PLCB1: variants seen among roughly 807,000 people sequenced by gnomAD.
PLCB1 encodes 1-phosphatidylinositol 4,5-bisphosphate phosphodiesterase beta-1.
PLCB1 carries 46 observed loss-of-function variants against 161.8 expected under a neutral mutation model. The observed-to-expected ratio is 0.28, with a 90% confidence interval of 0.22 to 0.36. PLCB1 has a LOEUF of 0.36. PLCB1 is among the 10% of genes least tolerant of loss of function. The pLI is 1.00. For missense variants in PLCB1, 1,016 were observed against 1,472.5 expected (o/e 0.69, Z 5.07); for synonymous variants, 517 against 503.7 (o/e 1.03, Z -0.35).
intron 31 of PLCB1, among the ~76,000 whole-genome samples, chr20:8,832,703 A>G (rs1986074660): frequency 6.6e-6 from 1 of 152,108 alleles, no homozygotes; most frequent in Non-Finnish European, 1.5e-5. Flanking sequence ...CCCACAGGTG[A>G]CTCCCTTGTC....
chr20:8,309,677 G>A (rs532946237), intron 2 of PLCB1, among the ~76,000 whole-genome samples: 2 of 152,308 alleles, frequency 1.3e-5, no homozygotes, highest in African/African-American at 2.4e-5. Context: ...CCATAATTCC[G>A]TTGACAGCAG....
intron 31 of PLCB1, among the ~76,000 whole-genome samples, chr20:8,847,212 A>ATC (rs11471983): frequency 0.32 from 48,602 of 151,972 alleles, 8,734 homozygotes; most frequent in East Asian, 0.63. Flanking sequence ...GAAGCTCAGG[A>ATC]TCACCACTTC....
At chr20:8,681,100 A>ATATATATATAT (rs1568558184) in intron 9 of PLCB1, among the ~76,000 whole-genome samples, 13 of 129,010 alleles carry the variant, frequency 1.0e-4, no homozygotes, top group African/African-American at 3.6e-4. Flanking sequence ...ATATATATAT[A>ATATATATATAT]TATATATATA....
At chr20:8,442,628 G>A (rs991683372) in intron 3 of PLCB1, among the ~76,000 whole-genome samples, 1 of 152,110 alleles carries the variant, frequency 6.6e-6, no homozygotes, top group African/African-American at 2.4e-5. Flanking sequence ...CTGTAACAAA[G>A]GGTTAGTGAA....
chr20:8,154,941 C>G (rs1224900420), intron 2 of PLCB1, among the ~76,000 whole-genome samples: 1 of 152,142 alleles, frequency 6.6e-6, no homozygotes, highest in Non-Finnish European at 1.5e-5. Flanking sequence ...AACTACCTCC[C>G]CACTTTTTGC....
At chr20:8,584,291 G>A (rs141665793) in intron 3 of PLCB1, among the ~76,000 whole-genome samples, 1 of 152,170 alleles carries the variant, frequency 6.6e-6, no homozygotes, top group East Asian at 1.9e-4. Flanking sequence ...TGTACCTATG[G>A]GGTGAACTCA....
intron 3 of PLCB1, among the ~76,000 whole-genome samples, chr20:8,451,853 C>G (rs1218996796): frequency 6.0e-5 from 9 of 150,892 alleles, no homozygotes; most frequent in East Asian, 5.8e-4. Flanking sequence ...TTCCATCTCC[C>G]TCTTCTTCTT....
intron 31 of PLCB1, among the ~76,000 whole-genome samples, chr20:8,803,660 C>A (rs77844902): frequency 0.044 from 6,629 of 152,194 alleles, 399 homozygotes; most frequent in African/African-American, 0.14. Flanking sequence ...GAGACCTTGA[C>A]AATTTCTTCT....
chr20:8,164,082 G>A (rs1277634728), intron 2 of PLCB1, among the ~76,000 whole-genome samples: 6 of 152,170 alleles, frequency 3.9e-5, no homozygotes, highest in Non-Finnish European at 8.8e-5. Context: ...TGGATCTAAA[G>A]TGTAGGAGCC....
chr20:8,535,133 G>T (rs1185282968), intron 3 of PLCB1, among the ~76,000 whole-genome samples: 1 of 120,816 alleles, frequency 8.3e-6, no homozygotes, highest in African/African-American at 3.1e-5. Context: ...AAAGGATAGA[G>T]TCAATTTGGA....
chr20:8,216,599 C>T (rs775030167), intron 2 of PLCB1, among the ~76,000 whole-genome samples: 1 of 152,010 alleles, frequency 6.6e-6, no homozygotes. Flanking sequence ...GAAACCTGAT[C>T]GTGACTCATG....
intron 3 of PLCB1, among the ~76,000 whole-genome samples, chr20:8,427,702 T>C (rs1979847442): frequency 6.6e-6 from 1 of 152,124 alleles, no homozygotes; most frequent in East Asian, 1.9e-4. Context: ...TTGGGATTCT[T>C]GATTGGTTGG....
At chr20:8,316,707 C>T (rs766603414) in intron 2 of PLCB1, among the ~76,000 whole-genome samples, 8 of 152,036 alleles carry the variant, frequency 5.3e-5, no homozygotes, top group Non-Finnish European at 1.2e-4. Context: ...ACTGCCATGA[C>T]AATGAAAGAG....
intron 3 of PLCB1, among the ~76,000 whole-genome samples, chr20:8,571,257 G>A (rs982893977): frequency 2.0e-5 from 3 of 152,110 alleles, no homozygotes; most frequent in African/African-American, 7.2e-5. Flanking sequence ...TGGGACAGAG[G>A]GATGACTTGA....
At chr20:8,781,849 A>G (rs1374640871) in intron 27 of PLCB1, among the ~76,000 whole-genome samples, 1 of 152,162 alleles carries the variant, frequency 6.6e-6, no homozygotes, top group Non-Finnish European at 1.5e-5. Flanking sequence ...CGCTATCACA[A>G]GAACAGCACA....
intron 31 of PLCB1, among the ~76,000 whole-genome samples, chr20:8,828,224 A>T (rs1487706518): frequency 1.3e-5 from 2 of 152,210 alleles, no homozygotes; most frequent in Admixed American, 1.3e-4. Flanking sequence ...CAAAGGCTCC[A>T]TCAAACCCTC....
chr20:8,398,914 T>A (rs1201299416), intron 3 of PLCB1, among the ~76,000 whole-genome samples: 1 of 152,036 alleles, frequency 6.6e-6, no homozygotes, highest in East Asian at 1.9e-4. Context: ...ATTTTGCTTT[T>A]GGTGTTTTTT....
intron 2 of PLCB1, among the ~76,000 whole-genome samples, chr20:8,350,595 G>C (rs1379213690): frequency 6.6e-6 from 1 of 152,158 alleles, no homozygotes; most frequent in Non-Finnish European, 1.5e-5. Context: ...ATATTCCTTT[G>C]GGTGTATACC....
intron 3 of PLCB1, among the ~76,000 whole-genome samples, chr20:8,541,605 A>AAAGGAAGG (rs1555769079): frequency 2.7e-5 from 4 of 149,992 alleles, no homozygotes; most frequent in African/African-American, 7.4e-5. Flanking sequence ...AGAAAGAAAG[A>AAAGGAAGG]AAGGAAGGAA....
Sources: allele counts gnomAD v4.1 joint callset (sites outside exome capture counted in the v4.1 genomes callset), GRCh38; gene constraint gnomAD v4.1.1; transcripts MANE v1.5; gene names NCBI Gene and HGNC (gene_info 2026-07-23, HGNC 2026-07-21).